The following HGSNAT variants were observed in gnomAD, a reference collection of about 807,000 sequenced individuals.
The protein encoded by HGSNAT is heparan-alpha-glucosaminide N-acetyltransferase.
A neutral mutation model predicts 85.2 loss-of-function variants in HGSNAT; 59 were observed. That is an observed-to-expected ratio of 0.69 (90% CI 0.56 to 0.86). The LOEUF is 0.86. HGSNAT is among the 40% of genes least tolerant of loss of function. HGSNAT has a pLI of 0.00. For synonymous variants in HGSNAT, 321 were observed against 304.5 expected (o/e 1.05, Z -0.56); for missense variants, 756 against 777.1 (o/e 0.97, Z 0.32).
At chr8:43,194,982 C>T (rs1344820409) in intron 14 of HGSNAT, among the ~76,000 whole-genome samples, 2 of 152,030 alleles carry the variant, frequency 1.3e-5, no homozygotes, top group Admixed American at 1.3e-4. Context: ...AATTTTTTTT[C>T]TCCTCTGTGC....
chr8:43,188,934 T>C (rs1257597420), intron 11 of HGSNAT, among the ~76,000 whole-genome samples: 2 of 152,198 alleles, frequency 1.3e-5, no homozygotes, highest in African/African-American at 4.8e-5. Flanking sequence ...CCTGTTTGCC[T>C]GGGTATCACC....
Position 43,158,645 on chromosome 8 carries a change from C to G in HGSNAT, c.305C>G (p.Ser102Cys), listed in dbSNP as rs1252565709. Residue 102 changes from serine to cysteine, a missense_variant, in exon 3 of 18, where the codon TCT (serine) becomes TGT (cysteine). By Grantham distance (112) the Ser-to-Cys change is moderately radical. Transcript: ENST00000379644. ...GGGAAGCCTAGTGCTGCAGCTGCCT[C>G]TGTCAGCACCCAGCACGGATCTATC... ...KAGKPSAAAA[S>C]VSTQHGSILQ... 3.7e-6 allele frequency: 6 copies of G among 1,613,754 alleles called. No individual in the cohort carries two copies. The highest frequency in any genetic ancestry group is 2.7e-5 in the African/African-American group (2 of 74,930).
intron 8 of HGSNAT, among the ~76,000 whole-genome samples, chr8:43,173,461 C>G (rs966497500): frequency 4.6e-5 from 7 of 152,028 alleles, no homozygotes; most frequent in Non-Finnish European, 7.4e-5. Context: ...AGGTGCCCGC[C>G]ACCACACCCG....
At chr8:43,191,686 TTC>T in intron 12 of HGSNAT, 91 bp downstream of exon 12, 1 of 1,479,534 alleles carries the variant, frequency 6.8e-7, no homozygotes, top group Admixed American at 1.8e-5. Flanking sequence ...GTCAGAGGAA[TTC>T]TCTTTCCCTC....
chr8:43,170,739 G>C (rs755013104), intron 7 of HGSNAT, 45 bp downstream of exon 7: 1 of 1,233,608 alleles, frequency 8.1e-7, no homozygotes, highest in Admixed American at 2.3e-5. Context: ...GTAGTCACAG[G>C]ACTACATAAT....
At chr8:43,164,070 T>C (rs2130729233) in intron 5 of HGSNAT, among the ~76,000 whole-genome samples, 1 of 152,258 alleles carries the variant, frequency 6.6e-6, no homozygotes, top group East Asian at 1.9e-4. Context: ...GTGATAAGGG[T>C]ATTGTGGTTA....
At chr8:43,153,062 A>G (rs1287723211) in intron 2 of HGSNAT, among the ~76,000 whole-genome samples, 1 of 152,092 alleles carries the variant, frequency 6.6e-6, no homozygotes, top group Non-Finnish European at 1.5e-5. Context: ...AAAAGAAAAA[A>G]AAAAAGGCCC....
rs1408081263 is a variant in HGSNAT, at chr8:43,140,678, C to A, written c.118+64C>A. ...AGCGCAGCGTCTCCTCTCCGCGGCG[C>A]CGCCCCTATCTCCGTGCGCGGCGCC... On this transcript the variant is annotated intron_variant, in intron 1 of 17. Transcript: ENST00000379644. The A allele has an allele frequency of 3.7e-6, 3 of 809,110 alleles. No individual in the cohort carries two copies. In the African/African-American group the frequency reaches 5.6e-5, roughly 15 times the overall value. 50.1% of individuals were successfully genotyped at this position (809,110 alleles called of 1,614,324 possible).
chr8:43,144,487 A>G (rs916367050), intron 1 of HGSNAT, among the ~76,000 whole-genome samples: 2 of 151,962 alleles, frequency 1.3e-5, no homozygotes, highest in African/African-American at 4.8e-5. Flanking sequence ...AGATTTCCCA[A>G]CGGTTTCATG....
At chr8:43,161,556 ACAC>A in intron 5 of HGSNAT, 49 bp downstream of exon 5, 1 of 1,424,184 alleles carries the variant, frequency 7.0e-7, no homozygotes, top group Non-Finnish European at 9.7e-7. Context: ...TATAGAAATA[ACAC>A]ATTCAGAAGG....
intron 11 of HGSNAT, chr8:43,182,501 T>TGGTG: frequency 1.9e-6 from 1 of 515,436 alleles, no homozygotes; most frequent in Non-Finnish European, 3.6e-6. Context: ...TGGGGTGCAG[T>TGGTG]GGTGTGATCT....
chr8:43,187,822 T>C (rs996688641), intron 11 of HGSNAT, among the ~76,000 whole-genome samples: 4 of 152,234 alleles, frequency 2.6e-5, no homozygotes, highest in African/African-American at 9.6e-5. Context: ...TGAGGAGCTC[T>C]TGTAAGGTAG....
At chr8:43,155,157 G>A (rs1803052500) in intron 2 of HGSNAT, among the ~76,000 whole-genome samples, 1 of 152,018 alleles carries the variant, frequency 6.6e-6, no homozygotes, top group African/African-American at 2.4e-5. Context: ...CCTTCATATT[G>A]TTTCCCACAA....
intron 10 of HGSNAT, among the ~76,000 whole-genome samples, chr8:43,178,594 CTTTTTTTTTTT>C (rs58996359): frequency 1.0e-5 from 1 of 96,924 alleles, no homozygotes; most frequent in Non-Finnish European, 2.3e-5. Context: ...CATCAGCTTT[CTTTTTTTTTTT>C]TTTTTTTTTA....
intron 5 of HGSNAT, among the ~76,000 whole-genome samples, chr8:43,163,428 A>AG: frequency 1.3e-5 from 2 of 152,216 alleles, no homozygotes; most frequent in South Asian, 4.1e-4. Flanking sequence ...GAGAATAAAG[A>AG]GCCCCTCTCT....
chr8:43,143,754 G>A (rs948722760), intron 1 of HGSNAT, among the ~76,000 whole-genome samples: 2 of 150,558 alleles, frequency 1.3e-5, no homozygotes, highest in African/African-American at 4.9e-5. Flanking sequence ...CACCGTGTTA[G>A]CCAGGATGGT....
At chr8:43,199,251 A>C in intron 17 of HGSNAT, 137 bp from the exon 18 acceptor site, 1 of 607,774 alleles carries the variant, frequency 1.6e-6, no homozygotes, top group South Asian at 2.3e-5. Flanking sequence ...GATATGCATT[A>C]CTTATTTTTG....
At chr8:43,156,373 T>A (rs984030880) in intron 2 of HGSNAT, among the ~76,000 whole-genome samples, 2 of 152,184 alleles carry the variant, frequency 1.3e-5, no homozygotes, top group African/African-American at 4.8e-5. Context: ...TGGTGTCATC[T>A]CGGCTCACTG....
intron 11 of HGSNAT, 57 bp from the exon 12 acceptor site, chr8:43,191,417 A>G: frequency 6.3e-7 from 1 of 1,590,346 alleles, no homozygotes; most frequent in Admixed American, 1.7e-5. Context: ...ACATGTGCTT[A>G]GTTCCCTTCT....
Sources: gnomAD v4.1 joint callset for allele counts (sites outside exome capture counted in the v4.1 genomes callset) on GRCh38, gnomAD v4.1.1 for gene constraint, MANE v1.5 for transcripts, NCBI Gene and HGNC (gene_info 2026-07-23, HGNC 2026-07-21) for gene names.